The following CCDC32 variants were observed in gnomAD, a reference collection of about 807,000 sequenced individuals.
CCDC32 encodes the protein coiled-coil domain containing 32, also known as coiled-coil domain-containing protein 32.
CCDC32 carries 9 observed loss-of-function variants against 20.1 expected under a neutral mutation model. That is an observed-to-expected ratio of 0.45 (90% CI 0.27 to 0.78). CCDC32 has a LOEUF of 0.78. Among genes scored for constraint, CCDC32 ranks in the 30% least tolerant of loss-of-function variants. CCDC32 has a pLI of 0.16. For missense variants in CCDC32, 204 were observed against 215.5 expected (o/e 0.95, Z 0.33); for synonymous variants, 63 against 79.0 (o/e 0.80, Z 1.07).
At position 40,553,532 on chromosome 15, in the gene CCDC32, T is replaced by A. The variant is rs1890011787; in HGVS notation, c.*439A>T. The A allele has an allele frequency of 2.0e-6, 2 of 988,374 alleles. No homozygotes were observed. Among genetic ancestry groups the A allele is most frequent in the South Asian group, 9.3e-5 (2 of 21,430 alleles). 61.2% of individuals were successfully genotyped at this position (988,374 alleles called of 1,614,324 possible). A position where few individuals can be genotyped will look rare whatever the true frequency, so the allele number is the denominator to read the frequency against. On this transcript the variant is annotated 3_prime_UTR_variant, in exon 4 of 4. Coordinates refer to ENST00000416810, the MANE Select transcript of CCDC32 (RefSeq NM_001080792.4). ...CTCACGTGACAATTCACCAAGGGAA[T>A]GCTTGGGACACAAGCATGAATGTCC... is the stretch of plus-strand genomic sequence containing the variant.
chr15:40,537,508 G>A (rs1045184108), downstream of CCDC32: 3 of 152,314 alleles, frequency 2.0e-5, no homozygotes, highest in Non-Finnish European at 4.4e-5. Context: ...GGTACATGAA[G>A]GTTTCCAGAA....
intron 3 of CCDC32, among the ~76,000 whole-genome samples, chr15:40,541,301 C>T (rs562845293): frequency 1.3e-4 from 19 of 151,904 alleles, no homozygotes; most frequent in Admixed American, 3.3e-4. Context: ...AGATGTGCCC[C>T]GTCAGTCAGT....
downstream of CCDC32, among the ~76,000 whole-genome samples, chr15:40,528,043 G>A (rs571783102): frequency 1.3e-5 from 2 of 152,264 alleles, no homozygotes; most frequent in Non-Finnish European, 2.9e-5. Flanking sequence ...ATAAAAATGG[G>A]CAATAATCTT....
downstream of CCDC32, among the ~76,000 whole-genome samples, chr15:40,524,240 C>A (rs1387789959): frequency 6.8e-6 from 1 of 147,720 alleles, no homozygotes; most frequent in Non-Finnish European, 1.5e-5. Flanking sequence ...TCTGCAAGCT[C>A]CAGCCTCCCA....
intron 3 of CCDC32, among the ~76,000 whole-genome samples, chr15:40,547,134 T>C (rs1320586913): frequency 6.6e-6 from 1 of 152,170 alleles, no homozygotes; most frequent in Non-Finnish European, 1.5e-5. Flanking sequence ...GAGTCAGTCT[T>C]GTTAGGAATT....
chr15:40,555,692 T>C (rs1273949363), intron 3 of CCDC32, among the ~76,000 whole-genome samples: 1 of 152,216 alleles, frequency 6.6e-6, no homozygotes, highest in African/African-American at 2.4e-5. Flanking sequence ...ATAATGTAAG[T>C]GAAAGTATTT....
chr15:40,559,718 T>C (rs1317788274), intron 2 of CCDC32, among the ~76,000 whole-genome samples: 3 of 152,244 alleles, frequency 2.0e-5, no homozygotes, highest in Non-Finnish European at 4.4e-5. Context: ...CTCTTCTGAC[T>C]CTTCTTTCTG....
At chr15:40,528,069 C>T (rs1417570191), downstream of CCDC32, among the ~76,000 whole-genome samples, 3 of 152,338 alleles carry the variant, frequency 2.0e-5, no homozygotes, top group African/African-American at 7.2e-5. Context: ...CAGAAATCAG[C>T]CTCAGCGGTC....
chr15:40,560,650 T>C (rs1446991085), intron 2 of CCDC32, among the ~76,000 whole-genome samples: 3 of 152,030 alleles, frequency 2.0e-5, no homozygotes, highest in South Asian at 4.2e-4. Flanking sequence ...ATCAGGGAAA[T>C]GCAAGTCAAA....
At chr15:40,525,422 C>G (rs1466646729), downstream of CCDC32, among the ~76,000 whole-genome samples, 2 of 152,156 alleles carry the variant, frequency 1.3e-5, no homozygotes, top group African/African-American at 4.8e-5. Flanking sequence ...CTCAGCCTCC[C>G]AAAGTGGTGG....
At chr15:40,535,402 C>G (rs1595883667), downstream of CCDC32, 1 of 1,009,548 alleles carries the variant, frequency 9.9e-7, no homozygotes, top group East Asian at 9.9e-5. Flanking sequence ...TATTTCTAAC[C>G]CTTTGCAGTT....
At chr15:40,533,337 C>T (rs1888965079), downstream of CCDC32, among the ~76,000 whole-genome samples, 2 of 151,980 alleles carry the variant, frequency 1.3e-5, no homozygotes, top group African/African-American at 4.8e-5. Context: ...CATAATTGTC[C>T]TGCATTATTA....
rs1226258288 is a variant in CCDC32 at position 40,557,275 on chromosome 15, C to A, written c.342G>T (p.Arg114=). The A allele has an allele frequency of 6.2e-7, 1 of 1,614,204 alleles. No individual in the cohort carries two copies. The highest frequency in any genetic ancestry group is 8.5e-7 in the Non-Finnish European group (1 of 1,180,032). Residue 114 remains arginine, a synonymous_variant, in exon 3 of 4, where the codon CGG becomes CGT. Transcript: ENST00000416810. The part of the protein sequence containing the change: ...LAQAKKECWD[R]FLQEKLASEF... ...CTGAAGCTAACTTCTCCTGGAGGAA[C>A]CGATCCCAGCATTCCTTCTTGGCTT...
intron 3 of CCDC32, among the ~76,000 whole-genome samples, chr15:40,542,077 G>T (rs1299509374): frequency 6.6e-6 from 1 of 152,208 alleles, no homozygotes; most frequent in African/African-American, 2.4e-5. Context: ...AAGGACCTTA[G>T]GGGTGACCTG....
intron 1 of CCDC32, among the ~76,000 whole-genome samples, chr15:40,563,349 C>T (rs990611891): frequency 2.0e-5 from 3 of 151,952 alleles, no homozygotes; most frequent in Non-Finnish European, 2.9e-5. Flanking sequence ...GGTGACATTG[C>T]GAGGCCCTGT....
chr15:40,544,167 A>G (rs564387641), intron 3 of CCDC32, among the ~76,000 whole-genome samples: 8 of 152,080 alleles, frequency 5.3e-5, no homozygotes, highest in African/African-American at 9.7e-5. Flanking sequence ...CAGTGCTCCA[A>G]TGATGAGCAT....
rs1171950605 is a variant in CCDC32 at position 40,564,846 on chromosome 15, C to T, written c.-13+130G>A. ...AAATTCCGGCGTCCAGATCCCAGGC[C>T]TCAGTCGCTCAGGTCTCTAGGGCTG... On this transcript the variant is annotated intron_variant, in intron 1 of 3. Transcript: ENST00000416810. 1.9e-6 allele frequency: 3 copies of T among 1,601,012 alleles called. No individual in the cohort carries two copies. In the Admixed American group the frequency reaches 5.0e-5, roughly 27 times the overall value.
downstream of CCDC32, chr15:40,537,115 C>T (rs1228789207): frequency 6.6e-6 from 1 of 152,292 alleles, no homozygotes. Flanking sequence ...ATCTAGAATT[C>T]TAAAGGACCA....
At chr15:40,552,338 G>A (rs189385465), downstream of CCDC32, among the ~76,000 whole-genome samples, 8 of 151,582 alleles carry the variant, frequency 5.3e-5, no homozygotes, top group African/African-American at 1.7e-4. Flanking sequence ...AAAATTAGCC[G>A]GGCGTGGTGG....
Sources: gnomAD v4.1 joint callset for allele counts (sites outside exome capture counted in the v4.1 genomes callset) on GRCh38, gnomAD v4.1.1 for gene constraint, MANE v1.5 for transcripts, NCBI Gene and HGNC (gene_info 2026-07-23, HGNC 2026-07-21) for gene names.